CCDC171: variants seen among roughly 807,000 people sequenced by gnomAD.
CCDC171 encodes the protein coiled-coil domain containing 171, also known as coiled-coil domain-containing protein 171.
A neutral mutation model predicts 168.2 loss-of-function variants in CCDC171; 177 were observed. The ratio of observed to expected loss-of-function variants is 1.05; its 90% CI spans 0.93 to 1.19. CCDC171 has a LOEUF of 1.19. Among genes scored for constraint, CCDC171 ranks in the 50% most tolerant of loss-of-function variants. The pLI, the probability that CCDC171 is intolerant of heterozygous loss-of-function variation, is 0.00. For missense variants in CCDC171, 1,991 were observed against 1,539.0 expected (o/e 1.29, Z -4.91); for synonymous variants, 687 against 540.8 (o/e 1.27, Z -3.75).
In CCDC171 at chr9:15,907,816, A is replaced by T. The variant is rs529940506; in HGVS notation, c.3601-12454A>T. 1.8e-3 allele frequency among the ~76,000 whole-genome samples: 276 copies of T among 149,658 alleles called. 2 individuals carry two copies. Among genetic ancestry groups the T allele is most frequent in the African/African-American group, 6.4e-3 (264 of 41,174 alleles). On this transcript the variant is annotated intron_variant, in intron 24 of 25. Coordinates refer to ENST00000380701, the MANE Select transcript of CCDC171 (RefSeq NM_173550.4). Reference sequence around the variant, plus strand: ...TGAACTCCAACAAATTTATAAGAAAAAAACAACCCCATCAAAAAGTGGGCA... The same window carrying T: ...TGAACTCCAACAAATTTATAAGAAATAAACAACCCCATCAAAAAGTGGGCA...
chr9:15,915,514 G>A (rs1824379289), intron 24 of CCDC171, among the ~76,000 whole-genome samples: 1 of 152,002 alleles, frequency 6.6e-6, no homozygotes, highest in South Asian at 2.1e-4. Flanking sequence ...GTGTTTTTTG[G>A]TGGGTTCTTT....
intron 1 of CCDC171, among the ~76,000 whole-genome samples, chr9:15,561,673 G>T (rs1030589074): frequency 1.3e-5 from 2 of 152,086 alleles, no homozygotes; most frequent in African/African-American, 2.4e-5. Context: ...TGCCATGCTC[G>T]ATTGCATGGG....
At chr9:15,855,428 G>C (rs747885536) in intron 23 of CCDC171, among the ~76,000 whole-genome samples, 10 of 151,722 alleles carry the variant, frequency 6.6e-5, no homozygotes, top group Admixed American at 1.3e-4. Flanking sequence ...TAACCTATTG[G>C]TGTCTTTGTA....
intron 4 of CCDC171, among the ~76,000 whole-genome samples, chr9:15,583,130 G>T (rs2131312004): frequency 6.6e-6 from 1 of 152,066 alleles, no homozygotes; most frequent in African/African-American, 2.4e-5. Context: ...AGAAAATGTG[G>T]TATAGGCTGG....
chr9:15,777,205 C>G (rs1161840747), intron 18 of CCDC171, among the ~76,000 whole-genome samples: 2 of 152,060 alleles, frequency 1.3e-5, no homozygotes, highest in Non-Finnish European at 2.9e-5. Flanking sequence ...TTTTAATTGC[C>G]TTGGAATAAG....
intron 9 of CCDC171, among the ~76,000 whole-genome samples, chr9:15,669,001 T>C (rs1455452087): frequency 6.6e-6 from 1 of 152,180 alleles, no homozygotes; most frequent in Non-Finnish European, 1.5e-5. Flanking sequence ...GTATATTGTT[T>C]TACCTGTTGT....
intron 24 of CCDC171, among the ~76,000 whole-genome samples, chr9:15,908,195 C>T (rs1263494594): frequency 6.6e-6 from 1 of 152,066 alleles, no homozygotes; most frequent in Non-Finnish European, 1.5e-5. Flanking sequence ...GCTATAAAGA[C>T]ACATGCACAC....
rs538084193 is a variant in CCDC171, at chr9:15,827,402, C to T, written c.3268-19300C>T. Among the ~76,000 whole-genome samples the T allele has an allele frequency of 1.7e-4, 26 of 152,190 alleles. 1 individual carries two copies. The South Asian group carries it at 5.0e-3, about 29-fold the overall frequency. ...ACTTGAGCCTCTTCTAGGTTGTAGACCATTACTCCTCTTTTCTGTACACAT... is the reference window on the plus strand; with the variant it reads ...ACTTGAGCCTCTTCTAGGTTGTAGATCATTACTCCTCTTTTCTGTACACAT... On this transcript the variant is annotated intron_variant, in intron 21 of 25. Coordinates refer to ENST00000380701, the MANE Select transcript of CCDC171 (RefSeq NM_173550.4).
intron 24 of CCDC171, among the ~76,000 whole-genome samples, chr9:15,919,844 G>C (rs577680810): frequency 2.6e-5 from 4 of 151,556 alleles, no homozygotes; most frequent in African/African-American, 7.2e-5. Flanking sequence ...CAAAACATTT[G>C]TTTTTTAGGT....
intron 7 of CCDC171, among the ~76,000 whole-genome samples, chr9:15,639,168 TATG>T (rs2046413419): frequency 6.6e-6 from 1 of 152,108 alleles, no homozygotes; most frequent in Non-Finnish European, 1.5e-5. Flanking sequence ...GACCACCTTG[TATG>T]ATTCATCTTT....
intron 7 of CCDC171, among the ~76,000 whole-genome samples, chr9:15,636,604 C>G (rs1236430922): frequency 6.6e-6 from 1 of 151,702 alleles, no homozygotes; most frequent in Non-Finnish European, 1.5e-5. Flanking sequence ...CAAAACTTAG[C>G]CAAACATGGT....
Sources: gnomAD v4.1 joint callset for allele counts (sites outside exome capture counted in the v4.1 genomes callset) on GRCh38, gnomAD v4.1.1 for gene constraint, MANE v1.5 for transcripts, NCBI Gene and HGNC (gene_info 2026-07-23, HGNC 2026-07-21) for gene names.